The following ETV4 variants were observed in gnomAD, a reference collection of about 807,000 sequenced individuals.
ETV4 encodes the protein ETS translocation variant 4.
A neutral mutation model predicts 65.9 loss-of-function variants in ETV4; 42 were observed. The observed-to-expected ratio is 0.64, with a 90% CI of 0.50 to 0.82. ETV4 has a LOEUF of 0.82. Among genes scored for constraint, ETV4 ranks in the 40% least tolerant of loss-of-function variants. The probability of loss-of-function intolerance (pLI) is 0.00; values close to 1 mark genes in which losing one functional copy is unlikely to be tolerated. For missense variants in ETV4, 583 were observed against 630.3 expected (o/e 0.92, Z 0.80); for synonymous variants, 238 against 260.0 (o/e 0.92, Z 0.81).
At chr17:43,529,257 G>A (rs1291971806) in intron 11 of ETV4, 21 bp from the exon 12 acceptor site, 6 of 1,611,138 alleles carry the variant, frequency 3.7e-6, no homozygotes, top group Non-Finnish European at 5.1e-6. Context: ...AACAGTTTTG[G>A]GGTAGAGATG....
Position 43,545,385 on chromosome 17 carries a change from A to C in ETV4, c.61-18T>G. On this transcript the variant is annotated intron_variant, in intron 2 of 12. Transcript: ENST00000319349. ...GGCGATTTCTGCGAGAAGCGGGGAG[A>C]ATGCCCGCGAGTCACCCTGAGGCGC... The C allele has an allele frequency of 6.4e-7, 1 of 1,560,920 alleles. No individual in the cohort carries two copies. Among genetic ancestry groups the C allele is most frequent in the Non-Finnish European group, 8.7e-7 (1 of 1,150,328 alleles).
Position 43,533,901 on chromosome 17 carries a change from G to A in ETV4, c.341C>T (p.Pro114Leu), listed in dbSNP as rs141079631. ...CTCGCCATGGTGGTAGGGGAGTGGC[G>A]GCTTCCTGCTGCAGGACAGGGCCGG... is the stretch of plus-strand genomic sequence containing the variant. ...TDPALSCSRK[P>L]PLPYHHGEQC... Residue 114 changes from proline to leucine, a missense_variant, in exon 6 of 13, where the codon CCG becomes CTG. Coordinates refer to ENST00000319349, the MANE Select transcript of ETV4 (RefSeq NM_001079675.5). The A allele has an allele frequency of 4.8e-5, 76 of 1,596,748 alleles. No homozygotes were observed. The African/African-American group carries it at 5.4e-4, about 11-fold the overall frequency.
In ETV4 at chr17:43,533,982, G is replaced by T. The variant is rs1458886043; in HGVS notation, c.260C>A (p.Ala87Asp). The T allele has an allele frequency of 2.0e-6, 3 of 1,528,472 alleles. No homozygotes were observed. Among genetic ancestry groups the T allele is most frequent in the Non-Finnish European group, 2.6e-6 (3 of 1,150,294 alleles). 94.7% of individuals were successfully genotyped at this position (1,528,472 alleles called of 1,614,324 possible). ...GATCCTGGTGGTGGGGCTGTGGAAA[G>T]CTACTGTGGGGGTGGAGGGGACAGA... is the stretch of plus-strand genomic sequence containing the variant. ...FVPDFHSENL[A>D]FHSPTTRIKK... The change falls in exon 6 of 13, where the codon GCT becomes GAT. Residue 87 changes from alanine (A) to aspartate (D), a missense_variant. Coordinates refer to ENST00000319349, the MANE Select transcript of ETV4 (RefSeq NM_001079675.5).
intron 4 of ETV4, chr17:43,544,684 T>C: frequency 3.4e-6 from 1 of 295,252 alleles, no homozygotes; most frequent in East Asian, 5.5e-5. Flanking sequence ...AAAATGGGCC[T>C]GGGGCCAAGT....
At chr17:43,542,405 C>A (rs1971570428) in intron 4 of ETV4, among the ~76,000 whole-genome samples, 1 of 152,084 alleles carries the variant, frequency 6.6e-6, no homozygotes, top group Admixed American at 6.5e-5. Flanking sequence ...AAGTCATTTT[C>A]CCCAAGGATT....
Position 43,533,855 on chromosome 17 carries a change from T to G in ETV4, c.383+4A>C, listed in dbSNP as rs562290615. On this transcript the variant is annotated splice_donor_region_variant and intron_variant, in intron 6 of 12. Coordinates refer to ENST00000319349, the MANE Select transcript of ETV4 (RefSeq NM_001079675.5). The stretch of plus-strand genomic sequence containing the variant: ...CCCTTCACCAGGTCCAGGCTGGGGC[T>G]CACCTGGAGTAAAGGCACTGCTCGC... The G allele has an allele frequency of 6.2e-7, 1 of 1,606,936 alleles. No individual in the cohort carries two copies. The highest frequency in any genetic ancestry group is 2.3e-5 in the East Asian group (1 of 44,030).
chr17:43,545,224 T>C, intron 3 of ETV4, 50 bp downstream of exon 3: 1 of 1,135,644 alleles, frequency 8.8e-7, no homozygotes, highest in Non-Finnish European at 1.3e-6. Flanking sequence ...TGTGTGTGTG[T>C]GTGTGTGTGT....
intron 4 of ETV4, chr17:43,544,083 A>C (rs1598221317): frequency 6.6e-6 from 1 of 152,196 alleles, no homozygotes; most frequent in East Asian, 1.9e-4. Context: ...CATAGTGTTA[A>C]AATAAACCCT....
intron 1 of ETV4, chr17:43,545,934 C>CGTTTGTGT: frequency 3.8e-6 from 1 of 262,046 alleles, no homozygotes; most frequent in Non-Finnish European, 7.4e-6. Context: ...TACATAAGAA[C>CGTTTGTGT]GTGTGTGTGT....
chr17:43,541,167 T>C (rs954812932), intron 4 of ETV4, among the ~76,000 whole-genome samples: 11 of 152,086 alleles, frequency 7.2e-5, no homozygotes, highest in Admixed American at 2.0e-4. Context: ...CTGTCCTAGC[T>C]CAGCCCCTCC....
chr17:43,541,541 T>TA lies in ETV4; in HGVS notation c.202+3433dup, dbSNP rs200724599. Among the ~76,000 whole-genome samples the TA allele has an allele frequency of 2.2e-3, 337 of 151,300 alleles. 2 individuals are homozygous for TA. Among genetic ancestry groups the TA allele is most frequent in the African/African-American group, 7.7e-3 (316 of 41,194 alleles). ...CTCTCCTTTCAAAAAGGGGGGTTAG[T>TA]AAAAAAAGAGGAGGGGCTTGGGGGG... is the stretch of plus-strand genomic sequence containing the variant. On this transcript the variant is annotated intron_variant, in intron 4 of 12. Coordinates refer to ENST00000319349, the MANE Select transcript of ETV4 (RefSeq NM_001079675.5).
In ETV4 at chr17:43,528,565, G is replaced by A. The variant is rs766650217; in HGVS notation, c.1409C>T (p.Ala470Val). The A allele has an allele frequency of 2.0e-5, 32 of 1,613,658 alleles. No individual in the cohort carries two copies. Among genetic ancestry groups the A allele is most frequent in the Admixed American group, 3.3e-5 (2 of 59,996 alleles). Residue 470 changes from alanine to valine, a missense_variant, in exon 13 of 13, where the codon GCT becomes GTT. By Grantham distance (64) the Ala-to-Val change is moderately conservative. Coordinates refer to ENST00000319349, the MANE Select transcript of ETV4 (RefSeq NM_001079675.5). ...DESPAYLPEL[A>V]GPAQPFGPKG... is the part of the protein sequence containing the mutation. ...GGGGCCAAATGGCTGGGCGGGGCCA[G>A]CCAGCTCTGGGAGGTAGGCGGGGCT...
chr17:43,532,994 TCG>T, intron 7 of ETV4, 55 bp from the exon 8 acceptor site: 1 of 1,525,012 alleles, frequency 6.6e-7, no homozygotes, highest in Non-Finnish European at 8.8e-7. Flanking sequence ...TAATCCTTCC[TCG>T]AGCCTGTTAC....
rs1971058700 is a variant in ETV4, at chr17:43,533,325, AT to A, written c.406del (p.Ile136SerfsTer28). ...YSSAYDPPRQIAIKSPAPGAL... is the reference protein window; with the variant it reads ...YSSAYDPPRQXAIKSPAPGAL... ...ACCAGGGGCAGGGGACTTGATGGCG[AT>A]TTGTCTGGGGGGGTCATAGGCACTG... On this transcript the variant is annotated frameshift_variant, in exon 7 of 13. Coordinates refer to ENST00000319349, the MANE Select transcript of ETV4 (RefSeq NM_001079675.5). LOFTEE classifies it high-confidence loss of function. The A allele has an allele frequency of 6.2e-7, 1 of 1,613,454 alleles. No homozygotes were observed. Among genetic ancestry groups the A allele is most frequent in the Non-Finnish European group, 8.5e-7 (1 of 1,179,754 alleles).
intron 6 of ETV4, 78 bp from the exon 7 acceptor site, chr17:43,533,426 C>T (rs1404776540): frequency 7.9e-6 from 11 of 1,400,694 alleles, no homozygotes; most frequent in Non-Finnish European, 1.1e-5. Context: ...CCTAGGAAAG[C>T]GAGGTCACAG....
At chr17:43,531,033 G>A (rs978275541) in intron 8 of ETV4, among the ~76,000 whole-genome samples, 16 of 152,182 alleles carry the variant, frequency 1.1e-4, no homozygotes, top group Admixed American at 2.6e-4. Flanking sequence ...AGCGGCAAGA[G>A]TGCCTCCCTC....
chr17:43,533,480 G>A lies in ETV4; in HGVS notation c.384-132C>T, dbSNP rs896854443. 8.7e-5 allele frequency: 75 copies of A among 859,602 alleles called. 2 individuals are homozygous for A. The highest frequency in any genetic ancestry group is 5.0e-4 in the South Asian group (28 of 55,770). 53.2% of individuals were successfully genotyped at this position (859,602 alleles called of 1,614,324 possible). A position where few individuals can be genotyped will look rare whatever the true frequency, so the allele number is the denominator to read the frequency against. The stretch of plus-strand genomic sequence containing the variant: ...GGATAGAGGGGGCTGAGAAGGGAAC[G>A]GCAGGAGCCACAGACTCAGCCCTAG... On this transcript the variant is annotated intron_variant, in intron 6 of 12. Coordinates refer to ENST00000319349, the MANE Select transcript of ETV4 (RefSeq NM_001079675.5).
chr17:43,532,612 G>A, intron 8 of ETV4, 62 bp downstream of exon 8: 2 of 1,456,340 alleles, frequency 1.4e-6, no homozygotes, highest in Admixed American at 2.1e-5. Context: ...AAACTCGGGA[G>A]ACATTCTGGG....
intron 8 of ETV4, 56 bp from the exon 9 acceptor site, chr17:43,530,237 G>A: frequency 6.4e-7 from 1 of 1,551,206 alleles, no homozygotes; most frequent in Non-Finnish European, 8.7e-7. Context: ...CTCGAGGGCA[G>A]GGGAGGAGGA....
Sources: gnomAD v4.1 joint callset for allele counts (sites outside exome capture counted in the v4.1 genomes callset) on GRCh38, gnomAD v4.1.1 for gene constraint, MANE v1.5 for transcripts, NCBI Gene and HGNC (gene_info 2026-07-23, HGNC 2026-07-21) for gene names.